TRPS1: variants seen among roughly 807,000 people sequenced by gnomAD.
The protein encoded by TRPS1 is zinc finger transcription factor Trps1.
Under a neutral mutation model 101.2 loss-of-function variants are expected in TRPS1, and 6 were observed. The ratio of observed to expected loss-of-function variants is 0.06; its 90% CI spans 0.03 to 0.12. The LOEUF (loss-of-function observed/expected upper bound fraction) is 0.12. TRPS1 is among the 10% of genes least tolerant of loss of function. The pLI, the probability that TRPS1 is intolerant of heterozygous loss-of-function variation, is 1.00. For synonymous variants in TRPS1, 578 were observed against 589.8 expected (o/e 0.98, Z 0.29); for missense variants, 1,363 against 1,567.0 (o/e 0.87, Z 2.20).
chr8:115,509,302 C>A (rs1297942294), intron 5 of TRPS1, among the ~76,000 whole-genome samples: 1 of 151,946 alleles, frequency 6.6e-6, no homozygotes, highest in Non-Finnish European at 1.5e-5. Context: ...TTCATTTAAT[C>A]ATCATTTATG....
At position 115,668,530 on chromosome 8, in the gene TRPS1, G is replaced by A. The variant is rs1431899222; in HGVS notation, c.-122+15C>T. ...GCCCCCGGCCCCGCGGCCCGCTCGG[G>A]CCTCCCCTCCTTACCTGTTGATTAA... On this transcript the variant is annotated intron_variant, in intron 1 of 6. Transcript: ENST00000395715. 3 of 146,932 alleles carry A rather than the reference G, an allele frequency of 2.0e-5. No homozygotes were observed. Among genetic ancestry groups the A allele is most frequent in the South Asian group, 4.1e-4 (2 of 4,872 alleles). 9.1% of individuals were successfully genotyped at this position (146,932 alleles called of 1,614,324 possible).
intron 5 of TRPS1, among the ~76,000 whole-genome samples, chr8:115,523,723 T>C (rs1815924704): frequency 6.6e-6 from 1 of 152,132 alleles, no homozygotes; most frequent in Non-Finnish European, 1.5e-5. Flanking sequence ...TAAAAGAGCA[T>C]GATGATAACA....
intron 5 of TRPS1, chr8:115,515,279 A>G: frequency 1.4e-6 from 1 of 698,106 alleles, no homozygotes; most frequent in Non-Finnish European, 2.6e-6. Flanking sequence ...AGCAGATTCA[A>G]AAACCTAATG....
intron 5 of TRPS1, among the ~76,000 whole-genome samples, chr8:115,518,176 T>C (rs1167304117): frequency 1.3e-5 from 2 of 151,938 alleles, no homozygotes; most frequent in South Asian, 4.1e-4. Context: ...ACAGTATGTA[T>C]GTAAGAAATT....
chr8:115,638,876 T>C (rs539174854), intron 1 of TRPS1, among the ~76,000 whole-genome samples: 1 of 152,290 alleles, frequency 6.6e-6, no homozygotes, highest in East Asian at 1.9e-4. Flanking sequence ...TAATGTATAC[T>C]GAAATAGATT....
chr8:115,488,293 G>A (rs1814936391), intron 5 of TRPS1, among the ~76,000 whole-genome samples: 1 of 152,160 alleles, frequency 6.6e-6, no homozygotes, highest in African/African-American at 2.4e-5. Flanking sequence ...TATGCACTGA[G>A]AAGCCAAAAT....
intron 4 of TRPS1, among the ~76,000 whole-genome samples, chr8:115,602,415 T>C (rs1377670539): frequency 6.6e-6 from 1 of 152,190 alleles, no homozygotes; most frequent in Non-Finnish European, 1.5e-5. Context: ...AACATGCAGC[T>C]AACATCAGAG....
chr8:115,458,125 A>G (rs553582399), intron 5 of TRPS1, among the ~76,000 whole-genome samples: 1 of 152,152 alleles, frequency 6.6e-6, no homozygotes, highest in Non-Finnish European at 1.5e-5. Context: ...CAATGACTGC[A>G]TGTGAGGAAA....
At chr8:115,561,317 C>T (rs1451345149) in intron 5 of TRPS1, among the ~76,000 whole-genome samples, 2 of 152,018 alleles carry the variant, frequency 1.3e-5, no homozygotes, top group Non-Finnish European at 2.9e-5. Flanking sequence ...TCTGGGGTCT[C>T]TGGCACACAC....
chr8:115,655,205 G>A (rs1383413232), intron 1 of TRPS1, among the ~76,000 whole-genome samples: 1 of 152,140 alleles, frequency 6.6e-6, no homozygotes, highest in African/African-American at 2.4e-5. Context: ...TGATATACCT[G>A]AAGTAAAGAA....
chr8:115,552,104 C>T (rs1816717679), intron 5 of TRPS1, among the ~76,000 whole-genome samples: 1 of 152,110 alleles, frequency 6.6e-6, no homozygotes, highest in African/African-American at 2.4e-5. Flanking sequence ...TGTACTGCTC[C>T]AAGAGAGGTC....
chr8:115,643,045 A>G (rs761989449), intron 1 of TRPS1, among the ~76,000 whole-genome samples: 1 of 152,082 alleles, frequency 6.6e-6, no homozygotes, highest in Non-Finnish European at 1.5e-5. Flanking sequence ...TGGTCTATTA[A>G]GTGGGCAATA....
chr8:115,452,349 G>T (rs1362002990), intron 5 of TRPS1, among the ~76,000 whole-genome samples: 1 of 152,188 alleles, frequency 6.6e-6, no homozygotes, highest in Non-Finnish European at 1.5e-5. Flanking sequence ...CCCGCAGAGA[G>T]GAAACCATTC....
intron 5 of TRPS1, among the ~76,000 whole-genome samples, chr8:115,529,306 C>T (rs563828622): frequency 2.9e-4 from 44 of 152,036 alleles, no homozygotes; most frequent in African/African-American, 1.0e-3. Context: ...CCTTCAAAAA[C>T]TTATGCAAGG....
intron 5 of TRPS1, among the ~76,000 whole-genome samples, chr8:115,575,247 T>C (rs1041828196): frequency 6.6e-6 from 1 of 152,138 alleles, no homozygotes; most frequent in African/African-American, 2.4e-5. Context: ...CTAGGACAAC[T>C]AGTACAACAT....
chr8:115,469,325 C>T (rs1412435942), intron 5 of TRPS1, among the ~76,000 whole-genome samples: 1 of 152,142 alleles, frequency 6.6e-6, no homozygotes, highest in East Asian at 1.9e-4. Flanking sequence ...TACAAATTAA[C>T]TAGAACATCA....
At chr8:115,631,375 AT>A (rs1818637109) in intron 1 of TRPS1, among the ~76,000 whole-genome samples, 1 of 152,118 alleles carries the variant, frequency 6.6e-6, no homozygotes, top group Non-Finnish European at 1.5e-5. Context: ...TAATCAAAAT[AT>A]TGATATAAAA....
At chr8:115,425,659 G>C (rs1321465582) in intron 5 of TRPS1, among the ~76,000 whole-genome samples, 2 of 152,200 alleles carry the variant, frequency 1.3e-5, no homozygotes, top group African/African-American at 2.4e-5. Flanking sequence ...TTCTCAGAGT[G>C]AAAGAGCAGA....
At chr8:115,481,852 T>C (rs1814760257) in intron 5 of TRPS1, among the ~76,000 whole-genome samples, 1 of 152,178 alleles carries the variant, frequency 6.6e-6, no homozygotes, top group African/African-American at 2.4e-5. Flanking sequence ...TTCTACTGAG[T>C]ACCCTGTGAG....
Sources: gnomAD v4.1 joint callset for allele counts (sites outside exome capture counted in the v4.1 genomes callset) on GRCh38, gnomAD v4.1.1 for gene constraint, MANE v1.5 for transcripts, NCBI Gene and HGNC (gene_info 2026-07-23, HGNC 2026-07-21) for gene names.